CHD7: variants seen among roughly 807,000 people sequenced by gnomAD.
CHD7 encodes the protein chromodomain helicase DNA binding protein 7, also known as ATP-dependent chromatin remodeler CHD7.
In CHD7, 24 loss-of-function variants were observed where a neutral mutation model predicts 307.3. That is an observed-to-expected ratio of 0.08 (90% CI 0.06 to 0.11). The LOEUF is 0.11. CHD7 is among the 10% of genes least tolerant of loss of function. The pLI is 1.00. For synonymous variants in CHD7, 1,363 were observed against 1,349.9 expected (o/e 1.01, Z -0.21); for missense variants, 3,106 against 3,727.1 (o/e 0.83, Z 4.34).
intron 7 of CHD7, 38 bp from the exon 8 acceptor site, chr8:60,816,349 A>G (rs965902661): frequency 5.5e-6 from 6 of 1,086,014 alleles, no homozygotes; most frequent in Admixed American, 2.2e-5. Flanking sequence ...GATTAATTAT[A>G]TTCTACATAT....
chr8:60,801,741 T>C, intron 6 of CHD7, 148 bp downstream of exon 6: 1 of 612,776 alleles, frequency 1.6e-6, no homozygotes, highest in Non-Finnish European at 2.9e-6. Flanking sequence ...TAACCCAATA[T>C]GAATCTTTGG....
chr8:60,820,303 T>TA (rs1207988820), intron 9 of CHD7, among the ~76,000 whole-genome samples: 1 of 152,210 alleles, frequency 6.6e-6, no homozygotes. Context: ...AGAACTTTTT[T>TA]AAAAAATTGA....
intron 7 of CHD7, among the ~76,000 whole-genome samples, chr8:60,815,018 A>G (rs555365086): frequency 1.3e-5 from 2 of 152,152 alleles, no homozygotes; most frequent in Non-Finnish European, 2.9e-5. Context: ...TGAATTTCAG[A>G]TTTTCAGATT....
At chr8:60,857,985 G>A (rs1206974557) in intron 34 of CHD7, among the ~76,000 whole-genome samples, 1 of 152,242 alleles carries the variant, frequency 6.6e-6, no homozygotes, top group Admixed American at 6.5e-5. Flanking sequence ...GCCGGGCATG[G>A]TGGCTCACGC....
At position 60,742,748 on chromosome 8, in the gene CHD7, C is replaced by G; in HGVS notation, c.1316C>G (p.Pro439Arg). ...CCCCATCCTCAGCCATCTCACCAGCCCCCTGGTGCCATGGGAATCGGACAG... is the reference window on the plus strand; with the variant it reads ...CCCCATCCTCAGCCATCTCACCAGCGCCCTGGTGCCATGGGAATCGGACAG... ...NMPHPQPSHQ[P>R]PGAMGIGQRN... is the part of the protein sequence containing the mutation. Residue 439 changes from proline to arginine, a missense_variant, in exon 2 of 38, where the codon CCC (proline) becomes CGC (arginine). By Grantham distance (103) the Pro-to-Arg change is moderately radical (BLOSUM62 -2). This residue lies in a region of CHD7 where 998 missense variants were observed against 1,004.5 expected (regional missense o/e 0.99). Coordinates refer to ENST00000423902, the MANE Select transcript of CHD7 (RefSeq NM_017780.4). The G allele has an allele frequency of 6.2e-7, 1 of 1,614,016 alleles. No individual in the cohort carries two copies. Among genetic ancestry groups the G allele is most frequent in the South Asian group, 1.1e-5 (1 of 91,082 alleles).
intron 21 of CHD7, among the ~76,000 whole-genome samples, chr8:60,843,850 G>A (rs1290773825): frequency 1.3e-5 from 2 of 152,236 alleles, no homozygotes; most frequent in Admixed American, 6.5e-5. Context: ...ATAGAGCAGT[G>A]TGTTCCAAGG....
At chr8:60,828,585 G>A (rs1480348180) in intron 13 of CHD7, 78 bp from the exon 14 acceptor site, 3 of 1,337,250 alleles carry the variant, frequency 2.2e-6, no homozygotes, top group Middle Eastern at 1.9e-4. Flanking sequence ...AGAACAATGG[G>A]TGTCTAGTGA....
At position 60,856,688 on chromosome 8, in the gene CHD7, G is replaced by A; in HGVS notation, c.7408G>A (p.Val2470Ile). ...TTCTTCAAAGTTTATCTTGCCTAAT[G>A]TCTCAACACCAGTGTCTGATGCCTT... ...SLSSKFILPN[V>I]STPVSDAFKT... Residue 2470 changes from valine (V) to isoleucine (I), a missense_variant, in exon 34 of 38, where the codon GTC becomes ATC. Physicochemically the swap from Val to Ile is conservative, Grantham distance 29. Transcript: ENST00000423902. 6.2e-7 allele frequency: 1 copy of A among 1,614,034 alleles called. No individual in the cohort carries two copies. Among genetic ancestry groups the A allele is most frequent in the African/African-American group, 1.3e-5 (1 of 75,060 alleles).
chr8:60,862,506 G>A, intron 36 of CHD7, 42 bp from the exon 37 acceptor site: 1 of 1,524,024 alleles, frequency 6.6e-7, no homozygotes, highest in Non-Finnish European at 8.9e-7. Context: ...AAAGGGGAGG[G>A]AAGACTGTGT....
rs1365766069 is a variant in CHD7, at chr8:60,781,443, C to T, written c.2096+13C>T. On this transcript the variant is annotated intron_variant, in intron 3 of 37. Transcript: ENST00000423902. ...GCAAAAAGTCAAGGTAGGCTGTGGGCAGAAAAAACAACTGCAAAACATTGA... is the reference window on the plus strand; with the variant it reads ...GCAAAAAGTCAAGGTAGGCTGTGGGTAGAAAAAACAACTGCAAAACATTGA... 1 of 1,508,078 alleles carries T rather than the reference C, an allele frequency of 6.6e-7. No homozygotes were observed. 93.4% of individuals were successfully genotyped at this position (1,508,078 alleles called of 1,614,324 possible).
intron 3 of CHD7, among the ~76,000 whole-genome samples, chr8:60,792,632 G>A (rs1304381159): frequency 6.6e-6 from 1 of 152,194 alleles, no homozygotes; most frequent in African/African-American, 2.4e-5. Context: ...CTTGGGAAGG[G>A]CAGATGGAAA....
rs1328962910 is a variant in CHD7, at chr8:60,794,874, G to A, written c.2097-112G>A. ...GCATTTAACTGTAAATAGCCAATATGTATGGATTTATCAGTTGTCATTGAT... is the reference window on the plus strand; with the variant it reads ...GCATTTAACTGTAAATAGCCAATATATATGGATTTATCAGTTGTCATTGAT... On this transcript the variant is annotated intron_variant, in intron 3 of 37. Transcript: ENST00000423902. The A allele has an allele frequency of 1.1e-5, 11 of 979,368 alleles. No individual in the cohort carries two copies. In the Admixed American group the frequency reaches 2.4e-4, roughly 22 times the overall value. The allele number at this position is 979,368 out of a possible 1,614,324, so 60.7% of individuals were successfully genotyped here.
intron 1 of CHD7, among the ~76,000 whole-genome samples, chr8:60,739,633 A>G (rs766749156): frequency 6.6e-6 from 1 of 152,162 alleles, no homozygotes; most frequent in Non-Finnish European, 1.5e-5. Context: ...TCACCTGAAA[A>G]CTACAGGCCT....
chr8:60,854,283 C>T (rs1409691368), intron 31 of CHD7, 80 bp from the exon 32 acceptor site: 2 of 1,292,530 alleles, frequency 1.5e-6, no homozygotes, highest in Non-Finnish European at 2.2e-6. Flanking sequence ...TTAGTATTCA[C>T]ATTTTTAATC....
At chr8:60,761,833 A>G (rs895814766) in intron 2 of CHD7, among the ~76,000 whole-genome samples, 5 of 152,190 alleles carry the variant, frequency 3.3e-5, no homozygotes, top group Non-Finnish European at 7.3e-5. Flanking sequence ...TAAAATTTAG[A>G]TGTACATCTA....
intron 2 of CHD7, among the ~76,000 whole-genome samples, chr8:60,763,493 A>G (rs895421422): frequency 6.6e-6 from 1 of 152,016 alleles, no homozygotes; most frequent in African/African-American, 2.4e-5. Context: ...ACTTTACAGG[A>G]TGACTGCCAT....
intron 1 of CHD7, among the ~76,000 whole-genome samples, chr8:60,720,408 GTA>G (rs1252572862): frequency 6.6e-6 from 1 of 152,206 alleles, no homozygotes; most frequent in African/African-American, 2.4e-5. Context: ...TTTCAGTGGT[GTA>G]TGAGTTACTT....
At chr8:60,801,249 T>C (rs1812296828) in intron 5 of CHD7, among the ~76,000 whole-genome samples, 1 of 152,226 alleles carries the variant, frequency 6.6e-6, no homozygotes, top group African/African-American at 2.4e-5. Flanking sequence ...TTATTTTGTC[T>C]TGGTGGCTAG....
At chr8:60,816,183 G>A (rs931694753) in intron 7 of CHD7, among the ~76,000 whole-genome samples, 1 of 150,928 alleles carries the variant, frequency 6.6e-6, no homozygotes, top group Non-Finnish European at 1.5e-5. Context: ...GGAGGCTTAG[G>A]ACAGAAGGCA....
Sources: gnomAD v4.1 joint callset for allele counts (sites outside exome capture counted in the v4.1 genomes callset) on GRCh38, gnomAD v4.1.1 for gene constraint, gnomAD v4.1.1 regional missense constraint, MANE v1.5 for transcripts, NCBI Gene and HGNC (gene_info 2026-07-23, HGNC 2026-07-21) for gene names.